The following GLP1R variants were observed in gnomAD, a reference collection of about 807,000 sequenced individuals.
GLP1R encodes the protein glucagon like peptide 1 receptor.
Under a neutral mutation model 68.4 loss-of-function variants are expected in GLP1R, and 32 were observed. That is an observed-to-expected ratio of 0.47 (90% CI 0.35 to 0.63). The LOEUF (loss-of-function observed/expected upper bound fraction) is 0.63, where lower values mean the gene tolerates loss of function less well. GLP1R is among the 20% of genes least tolerant of loss of function. The pLI is 0.00. For synonymous variants in GLP1R, 263 were observed against 244.4 expected, an observed-to-expected ratio of 1.08 and a Z score of -0.71; for missense variants, 502 against 594.9, an observed-to-expected ratio of 0.84 and a Z score of 1.62.
At chr6:39,076,450 G>T (rs992219920) in intron 7 of GLP1R, among the ~76,000 whole-genome samples, 3 of 152,146 alleles carry the variant, frequency 2.0e-5, no homozygotes, top group Admixed American at 6.6e-5. Flanking sequence ...GAGAGCTGAT[G>T]AAGAATGCTG....
intron 3 of GLP1R, among the ~76,000 whole-genome samples, chr6:39,064,148 C>T (rs150750741): frequency 1.4e-4 from 22 of 151,974 alleles, no homozygotes; most frequent in Admixed American, 3.3e-4. Flanking sequence ...GGACTACAGG[C>T]GCACGCCACC....
chr6:39,084,226 A>G (rs1382251670), intron 12 of GLP1R, among the ~76,000 whole-genome samples: 1 of 152,240 alleles, frequency 6.6e-6, no homozygotes, highest in Admixed American at 6.5e-5. Flanking sequence ...ATGTGGAGCT[A>G]CTTTGCAGGG....
chr6:39,076,323 G>A (rs900231750), intron 7 of GLP1R, among the ~76,000 whole-genome samples: 6 of 152,200 alleles, frequency 3.9e-5, no homozygotes, highest in African/African-American at 1.4e-4. Flanking sequence ...CCTGTACCAT[G>A]TGCTGGGGCC....
Position 39,049,060 on chromosome 6 carries a change from A to G in GLP1R, c.78+142A>G. The G allele has an allele frequency of 2.1e-6, 1 of 474,734 alleles. No individual in the cohort carries two copies. Among genetic ancestry groups the G allele is most frequent in the South Asian group, 3.6e-5 (1 of 28,072 alleles). The allele number at this position is 474,734 out of a possible 1,614,324, so 29.4% of individuals were successfully genotyped here. Reference sequence around the variant, plus strand: ...GGCATCCGAAAGCCTCGGGGGGAGTAGGGACTGGAGACTTGGTGCCCCTGG... The same window carrying G: ...GGCATCCGAAAGCCTCGGGGGGAGTGGGGACTGGAGACTTGGTGCCCCTGG... On this transcript the variant is annotated intron_variant, in intron 1 of 12. Transcript: ENST00000373256. This position sits in a 1 kb window ranked among gnomAD's most constrained non-coding sequence, Gnocchi z 4.5.
At chr6:39,068,754 C>T (rs1280032228) in intron 5 of GLP1R, among the ~76,000 whole-genome samples, 1 of 151,982 alleles carries the variant, frequency 6.6e-6, no homozygotes, top group Non-Finnish European at 1.5e-5. Context: ...AGGAGGTGGC[C>T]CTGGGCAGTG....
intron 3 of GLP1R, among the ~76,000 whole-genome samples, chr6:39,064,761 A>G (rs874900): frequency 0.11 from 17,054 of 152,288 alleles, 1,592 homozygotes; most frequent in African/African-American, 0.25. Context: ...GAATGGGCAC[A>G]GGCAATGCCC....
At chr6:39,059,288 G>A (rs928982329) in intron 3 of GLP1R, among the ~76,000 whole-genome samples, 9 of 152,352 alleles carry the variant, frequency 5.9e-5, no homozygotes, top group Admixed American at 4.6e-4. Flanking sequence ...AAGGCACAGA[G>A]GTGCTCAGTG....
chr6:39,085,963 CAGAG>C lies in GLP1R; in HGVS notation c.1283_1286del (p.Gln428ArgfsTer5). On this transcript the variant is annotated frameshift_variant, in exon 13 of 13. Transcript: ENST00000373256. LOFTEE classifies it high-confidence loss of function. Reference sequence around the variant, plus strand: ...CTGGCGGCTTGAGCACTTGCACATCCAGAGGGACAGCAGCATGAAGCCCCTCAAG... The same window carrying C: ...CTGGCGGCTTGAGCACTTGCACATCCGGACAGCAGCATGAAGCCCCTCAAG... The C allele has an allele frequency of 6.2e-7, 1 of 1,613,940 alleles. No homozygotes were observed. Among genetic ancestry groups the C allele is most frequent in the Non-Finnish European group, 8.5e-7 (1 of 1,179,902 alleles).
intron 5 of GLP1R, among the ~76,000 whole-genome samples, chr6:39,071,229 C>T (rs1211982487): frequency 6.6e-6 from 1 of 151,532 alleles, no homozygotes; most frequent in Non-Finnish European, 1.5e-5. Flanking sequence ...GCCTGTAATC[C>T]CAGCTACTCA....
intron 3 of GLP1R, among the ~76,000 whole-genome samples, chr6:39,062,351 C>T (rs532961270): frequency 6.6e-5 from 10 of 152,336 alleles, no homozygotes; most frequent in African/African-American, 2.4e-4. Context: ...TATGCCCTGA[C>T]CCACCCCACC....
chr6:39,078,903 T>TG (rs1028548779), intron 8 of GLP1R, 54 bp from the exon 9 acceptor site: 13 of 1,473,106 alleles, frequency 8.8e-6, no homozygotes, highest in Admixed American at 5.0e-5. Context: ...GCACCTGAGC[T>TG]GGGGGTCCTG....
intron 1 of GLP1R, among the ~76,000 whole-genome samples, chr6:39,050,227 T>G (rs1309790721): frequency 6.6e-6 from 1 of 152,108 alleles, no homozygotes; most frequent in Non-Finnish European, 1.5e-5. Flanking sequence ...GTTTTCCTGG[T>G]GCGGCTGGGA....
chr6:39,079,287 C>A lies in GLP1R; in HGVS notation c.1043+87C>A. The A allele has an allele frequency of 9.6e-7, 1 of 1,042,686 alleles. No individual in the cohort carries two copies. Among genetic ancestry groups the A allele is most frequent in the South Asian group, 1.3e-5 (1 of 77,634 alleles). The allele number at this position is 1,042,686 out of a possible 1,614,324, so 64.6% of individuals were successfully genotyped here. ...AGAGAGAGAGAGAGATCCTGGGATGCTTAGCTTAGAGCCCTACACTACCCT... is the reference window on the plus strand; with the variant it reads ...AGAGAGAGAGAGAGATCCTGGGATGATTAGCTTAGAGCCCTACACTACCCT... On this transcript the variant is annotated intron_variant, in intron 10 of 12. Transcript: ENST00000373256. The surrounding 1 kb of genome is among the most constrained non-coding windows in gnomAD (Gnocchi z 4.5).
intron 5 of GLP1R, among the ~76,000 whole-genome samples, 160 bp downstream of exon 5, chr6:39,066,463 A>G (rs1768521539): frequency 6.6e-6 from 1 of 152,162 alleles, no homozygotes; most frequent in South Asian, 2.1e-4. Context: ...GAGGTTGAAA[A>G]CACAGGATGT....
At chr6:39,059,738 G>C (rs537397098) in intron 3 of GLP1R, among the ~76,000 whole-genome samples, 1 of 152,218 alleles carries the variant, frequency 6.6e-6, no homozygotes, top group Admixed American at 6.5e-5. Context: ...CCATAGATTT[G>C]AGACTGGCAG....
intron 12 of GLP1R, among the ~76,000 whole-genome samples, chr6:39,082,225 G>C (rs1026552991): frequency 2.0e-5 from 3 of 152,132 alleles, no homozygotes; most frequent in African/African-American, 7.2e-5. Flanking sequence ...GGGAAACCAA[G>C]GTCTCTTAAG....
chr6:39,070,645 C>A (rs1388112859), intron 5 of GLP1R, among the ~76,000 whole-genome samples: 1 of 152,188 alleles, frequency 6.6e-6, no homozygotes, highest in Non-Finnish European at 1.5e-5. Flanking sequence ...TTGTTGCTAA[C>A]CTGAAGTATG....
rs1393400740 is a variant in GLP1R at position 39,091,066 on chromosome 6, T to A, written c.*4993T>A. 1.3e-5 allele frequency among the ~76,000 whole-genome samples: 2 copies of A among 152,170 alleles called. No individual in the cohort carries two copies. The highest frequency in any genetic ancestry group is 4.8e-5 in the African/African-American group (2 of 41,442). ...ACCAACAGAGAGGTAAGCCAAGCTCTCAGGAGGGACAAAGATAGATTTCTA... is the reference window on the plus strand; with the variant it reads ...ACCAACAGAGAGGTAAGCCAAGCTCACAGGAGGGACAAAGATAGATTTCTA... On this transcript the variant is annotated 3_prime_UTR_variant, in exon 13 of 13. Coordinates refer to ENST00000373256, the MANE Select transcript of GLP1R (RefSeq NM_002062.5).
chr6:39,073,585 C>A (rs1325381561), intron 6 of GLP1R, 25 bp from the exon 7 acceptor site: 1 of 1,609,746 alleles, frequency 6.2e-7, no homozygotes, highest in Admixed American at 1.7e-5. Context: ...CTGTTGTCCC[C>A]ATGACACCCT....
Sources: gnomAD v4.1 joint callset for allele counts (sites outside exome capture counted in the v4.1 genomes callset) on GRCh38, gnomAD v4.1.1 for gene constraint, Gnocchi (gnomAD v3.1) non-coding constraint, MANE v1.5 for transcripts, NCBI Gene and HGNC (gene_info 2026-07-23, HGNC 2026-07-21) for gene names.